FHIT: variants seen among roughly 807,000 people sequenced by gnomAD.
FHIT encodes fragile histidine triad diadenosine triphosphatase, also known as bis(5'-adenosyl)-triphosphatase.
A neutral mutation model predicts 17.9 loss-of-function variants in FHIT; 19 were observed. That is an observed-to-expected ratio of 1.06 (90% CI 0.74 to 1.56). The LOEUF (loss-of-function observed/expected upper bound fraction) is 1.56, where lower values mean the gene tolerates loss of function less well. Ranked by LOEUF, FHIT falls within the 40% of genes most tolerant of loss-of-function variation. The probability of loss-of-function intolerance (pLI) is 0.00; values close to 1 mark genes in which losing one functional copy is unlikely to be tolerated. For synonymous variants in FHIT, 81 were observed against 69.7 expected, an observed-to-expected ratio of 1.16 and a Z score of -0.81; for missense variants, 248 against 189.2, an observed-to-expected ratio of 1.31 and a Z score of -1.82.
intron 4 of FHIT, among the ~76,000 whole-genome samples, chr3:60,671,651 A>G (rs543406248): frequency 3.7e-4 from 56 of 152,192 alleles, no homozygotes; most frequent in African/African-American, 1.2e-3. Flanking sequence ...AAACATTTAG[A>G]ATTATTGGCC....
intron 4 of FHIT, among the ~76,000 whole-genome samples, chr3:60,624,899 T>G (rs200987941): frequency 5.7e-5 from 8 of 140,284 alleles, no homozygotes; most frequent in African/African-American, 1.4e-4. Context: ...TTTCTAGTTT[T>G]TTTTTTTGTT....
chr3:60,011,515 G>A (rs1700139279), intron 6 of FHIT, 115 bp from the exon 7 acceptor site: 4 of 896,910 alleles, frequency 4.5e-6, no homozygotes, highest in Admixed American at 2.0e-5. Flanking sequence ...TTAATTTATA[G>A]TATTCTCATG....
intron 4 of FHIT, among the ~76,000 whole-genome samples, chr3:60,727,380 A>G (rs1214794141): frequency 5.3e-5 from 8 of 152,204 alleles, no homozygotes; most frequent in African/African-American, 1.9e-4. Context: ...TTTAACTGAG[A>G]TAAACAAGAA....
At chr3:61,083,569 G>A (rs955492437) in intron 2 of FHIT, among the ~76,000 whole-genome samples, 1 of 152,146 alleles carries the variant, frequency 6.6e-6, no homozygotes, top group Non-Finnish European at 1.5e-5. Flanking sequence ...CAGCCTGGGC[G>A]ACAGCGAGAC....
chr3:61,140,786 A>G (rs1262154026), intron 2 of FHIT, among the ~76,000 whole-genome samples: 1 of 152,226 alleles, frequency 6.6e-6, no homozygotes, highest in Non-Finnish European at 1.5e-5. Flanking sequence ...TTCATTAAAA[A>G]TAGACTAGGG....
intron 5 of FHIT, among the ~76,000 whole-genome samples, chr3:60,235,234 GTT>G (rs11441829): frequency 7.0e-6 from 1 of 143,072 alleles, no homozygotes. Context: ...TTTGTTTGTT[GTT>G]TTTTTTTTTT....
chr3:60,412,346 C>T (rs538556050), intron 5 of FHIT, among the ~76,000 whole-genome samples: 2 of 152,162 alleles, frequency 1.3e-5, no homozygotes, highest in South Asian at 4.2e-4. Flanking sequence ...ATAATTTTCT[C>T]AATAGTGTAT....
At chr3:60,819,038 C>CTTTTTTTTTTTTTTTTTTTTTTTTT (rs1282544271) in intron 4 of FHIT, among the ~76,000 whole-genome samples, 1 of 102,180 alleles carries the variant, frequency 9.8e-6, no homozygotes, top group African/African-American at 3.2e-5. Flanking sequence ...TTTTTCTTTT[C>CTTTTTTTTTTTTTTTTTTTTTTTTT]TTTTTTTTTT....
chr3:60,577,769 T>A (rs893446529), intron 4 of FHIT, among the ~76,000 whole-genome samples: 1 of 152,156 alleles, frequency 6.6e-6, no homozygotes, highest in African/African-American at 2.4e-5. Context: ...TGAGATGCTC[T>A]GTCTTAAGGA....
intron 5 of FHIT, among the ~76,000 whole-genome samples, chr3:60,088,382 C>A (rs1264208999): frequency 6.6e-6 from 1 of 152,158 alleles, no homozygotes; most frequent in African/African-American, 2.4e-5. Context: ...AGTCAGGAGA[C>A]CTCTATTCTA....
chr3:61,154,035 TGAA>T lies in FHIT; in HGVS notation c.-164+46579_-164+46581del, dbSNP rs371056406. 6.0e-4 allele frequency among the ~76,000 whole-genome samples: 91 copies of T among 152,300 alleles called. No homozygotes were observed. In the East Asian group the frequency reaches 0.016, roughly 27 times the overall value. On this transcript the variant is annotated intron_variant, in intron 2 of 9. Coordinates refer to ENST00000492590, the MANE Select transcript of FHIT (RefSeq NM_002012.4). ...ACATTCTGTGCCTCTGCTCCCAACTTGAAGAAATTTCAACTGCTCTATTCTTTC... is the reference window on the plus strand; with the variant it reads ...ACATTCTGTGCCTCTGCTCCCAACTTGAAATTTCAACTGCTCTATTCTTTC...
At chr3:60,193,953 A>C (rs549190468) in intron 5 of FHIT, among the ~76,000 whole-genome samples, 23 of 152,338 alleles carry the variant, frequency 1.5e-4, no homozygotes, top group African/African-American at 4.6e-4. Context: ...AGACGACACA[A>C]ATGTGAAGAC....
chr3:60,599,368 T>C (rs1274059865), intron 4 of FHIT, among the ~76,000 whole-genome samples: 1 of 152,112 alleles, frequency 6.6e-6, no homozygotes, highest in Non-Finnish European at 1.5e-5. Flanking sequence ...CAAATATCAA[T>C]AGAATTAAGA....
chr3:60,427,257 C>T (rs934005405), intron 5 of FHIT, among the ~76,000 whole-genome samples: 15 of 152,040 alleles, frequency 9.9e-5, no homozygotes, highest in East Asian at 3.9e-4. Context: ...TGAGAATGAA[C>T]GCTGCGCAGT....
chr3:60,433,568 C>A (rs895976120), intron 5 of FHIT, among the ~76,000 whole-genome samples: 2 of 152,056 alleles, frequency 1.3e-5, no homozygotes, highest in Non-Finnish European at 2.9e-5. Flanking sequence ...CATACACTTA[C>A]CAGCACTTGG....
At chr3:60,031,640 G>T (rs529412563) in intron 5 of FHIT, among the ~76,000 whole-genome samples, 7 of 152,086 alleles carry the variant, frequency 4.6e-5, no homozygotes, top group Non-Finnish European at 8.8e-5. Flanking sequence ...ATTCTTCAAA[G>T]AATTCTAGCA....
intron 3 of FHIT, among the ~76,000 whole-genome samples, chr3:60,930,607 TG>T (rs1707898369): frequency 6.6e-6 from 1 of 152,002 alleles, no homozygotes; most frequent in Non-Finnish European, 1.5e-5. Flanking sequence ...AAAAGACACA[TG>T]AAAAAATGCT....
chr3:59,860,221 T>A (rs1309933537), intron 8 of FHIT, among the ~76,000 whole-genome samples: 2 of 152,178 alleles, frequency 1.3e-5, no homozygotes. Flanking sequence ...GAATCCTTCT[T>A]TGTTTTCTGA....
At chr3:60,634,666 G>A (rs782293424) in intron 4 of FHIT, among the ~76,000 whole-genome samples, 17 of 152,116 alleles carry the variant, frequency 1.1e-4, no homozygotes, top group Non-Finnish European at 1.3e-4. Flanking sequence ...TGCTGCAGAC[G>A]AGCACCAAGA....
Sources: gnomAD v4.1 joint callset for allele counts (sites outside exome capture counted in the v4.1 genomes callset) on GRCh38, gnomAD v4.1.1 for gene constraint, MANE v1.5 for transcripts, NCBI Gene and HGNC (gene_info 2026-07-23, HGNC 2026-07-21) for gene names.